The following OSBPL1A variants were observed in gnomAD, a reference collection of about 807,000 sequenced individuals.
OSBPL1A encodes oxysterol-binding protein-related protein 1.
In OSBPL1A, 80 loss-of-function variants were observed where a neutral mutation model predicts 137.1. The ratio of observed to expected loss-of-function variants is 0.58; its 90% confidence interval spans 0.49 to 0.70. OSBPL1A has a LOEUF of 0.70. Among genes scored for constraint, OSBPL1A ranks in the 30% least tolerant of loss-of-function variants. The probability of loss-of-function intolerance (pLI) is 0.00; values close to 1 mark genes in which losing one functional copy is unlikely to be tolerated. For synonymous variants in OSBPL1A, 365 were observed against 389.7 expected (o/e 0.94, Z 0.75); for missense variants, 970 against 1,129.4 (o/e 0.86, Z 2.02).
intron 15 of OSBPL1A, among the ~76,000 whole-genome samples, chr18:24,278,494 G>C (rs1337229740): frequency 6.6e-6 from 1 of 152,086 alleles, no homozygotes; most frequent in Admixed American, 6.5e-5. Flanking sequence ...AAATTTAAGA[G>C]GCTAAAAGAG....
intron 1 of OSBPL1A, among the ~76,000 whole-genome samples, chr18:24,381,194 A>G (rs1342990531): frequency 6.6e-6 from 1 of 152,200 alleles, no homozygotes; most frequent in African/African-American, 2.4e-5. Context: ...AAGTGGGATT[A>G]TAGCCAAGGA....
chr18:24,311,890 T>C, intron 13 of OSBPL1A, 94 bp downstream of exon 13: 1 of 1,411,104 alleles, frequency 7.1e-7, no homozygotes, highest in Non-Finnish European at 9.9e-7. Context: ...TCAGAAATCA[T>C]AATTTCAAAA....
intron 17 of OSBPL1A, among the ~76,000 whole-genome samples, chr18:24,210,852 T>G (rs1413807826): frequency 6.6e-6 from 1 of 152,174 alleles, no homozygotes; most frequent in Non-Finnish European, 1.5e-5. Flanking sequence ...TCTTTTAATG[T>G]GGATTTTATC....
intron 7 of OSBPL1A, among the ~76,000 whole-genome samples, chr18:24,328,218 A>ATTT (rs564798076): frequency 4.3e-4 from 21 of 48,610 alleles, no homozygotes; most frequent in Non-Finnish European, 4.5e-4. Context: ...AATTTTTTGT[A>ATTT]TTTTTTTTTT....
rs567128378 is a variant in OSBPL1A, at chr18:24,384,995, G to C, written c.-2-7460C>G. ...TTTGAGATGGAGTCTTGCTCTGTTG[G>C]CCAGGCTGGAGTGCAGTGGCACAAT... On this transcript the variant is annotated intron_variant, in intron 1 of 27. Transcript: ENST00000319481. 8.2e-3 allele frequency among the ~76,000 whole-genome samples: 1,230 copies of C among 150,112 alleles called. 15 individuals are homozygous for C. Among genetic ancestry groups the C allele is most frequent in the African/African-American group, 0.024 (992 of 40,804 alleles).
intron 15 of OSBPL1A, among the ~76,000 whole-genome samples, chr18:24,251,260 G>A (rs1484249032): frequency 1.3e-5 from 2 of 152,166 alleles, no homozygotes; most frequent in South Asian, 2.1e-4. Context: ...GGTCTTGAGT[G>A]ACCATAAGTG....
At chr18:24,286,566 A>C (rs1426059228) in intron 14 of OSBPL1A, among the ~76,000 whole-genome samples, 2 of 152,224 alleles carry the variant, frequency 1.3e-5, no homozygotes, top group Non-Finnish European at 2.9e-5. Flanking sequence ...CAAGTTGTGC[A>C]TACTTTTAAA....
intron 2 of OSBPL1A, among the ~76,000 whole-genome samples, chr18:24,371,778 A>G (rs581885): frequency 0.086 from 13,136 of 152,022 alleles, 1,900 homozygotes; most frequent in African/African-American, 0.3. Flanking sequence ...CATGAACACT[A>G]TCTTCAATTT....
At chr18:24,393,167 C>A (rs538977958) in intron 1 of OSBPL1A, among the ~76,000 whole-genome samples, 1 of 152,278 alleles carries the variant, frequency 6.6e-6, no homozygotes, top group Admixed American at 6.5e-5. Context: ...CAATCATATA[C>A]CTACATGTAT....
intron 13 of OSBPL1A, chr18:24,311,388 G>T: frequency 1.3e-6 from 1 of 766,728 alleles, no homozygotes; most frequent in Non-Finnish European, 1.6e-6. Flanking sequence ...TTAGACACAA[G>T]ATGGAAATAA....
chr18:24,335,171 A>C (rs533291307), intron 5 of OSBPL1A, among the ~76,000 whole-genome samples: 1 of 152,344 alleles, frequency 6.6e-6, no homozygotes, highest in East Asian at 1.9e-4. Flanking sequence ...GATTATAGGC[A>C]TGAGCCACCT....
At chr18:24,311,936 C>CTCATGACATAGATAGCTATAAAGG in intron 13 of OSBPL1A, 48 bp downstream of exon 13, 3 of 1,606,778 alleles carry the variant, frequency 1.9e-6, no homozygotes, top group Non-Finnish European at 2.6e-6. Context: ...TTGATTAAAC[C>CTCATGACATAGATAGCTATAAAGG]TCATGACATA....
chr18:24,163,952 G>C (rs1242591111), intron 27 of OSBPL1A, among the ~76,000 whole-genome samples: 2 of 151,892 alleles, frequency 1.3e-5, no homozygotes, highest in African/African-American at 4.8e-5. Context: ...GGCTGGTCTC[G>C]AACTCCTGAC....
At chr18:24,366,787 G>T in intron 4 of OSBPL1A, 105 bp downstream of exon 4, 11 of 1,119,088 alleles carry the variant, frequency 9.8e-6, no homozygotes, top group Admixed American at 5.2e-5. Flanking sequence ...ATTTTTTTGT[G>T]TGGCTTTCTT....
chr18:24,256,964 C>CAAAAAAAAA lies in OSBPL1A; in HGVS notation c.1282-17591_1282-17583dup, dbSNP rs201880387. 7.8e-4 allele frequency among the ~76,000 whole-genome samples: 23 copies of CAAAAAAAAA among 29,516 alleles called. 6 individuals carry two copies. Among genetic ancestry groups the CAAAAAAAAA allele is most frequent in the Non-Finnish European group, 1.3e-3 (19 of 14,700 alleles). The allele number at this position is 29,516 out of a possible 152,430, so 19.4% of individuals were successfully genotyped here. Reference sequence around the variant, plus strand: ...GCTGATGAAAGAACTGAAGAGGATGCAAAAAAAAAAAAAAAAAAAAAAAAA... The same window carrying CAAAAAAAAA: ...GCTGATGAAAGAACTGAAGAGGATGCAAAAAAAAAAAAAAAAAAAAAAAAAAAAAAAAAA... On this transcript the variant is annotated intron_variant, in intron 15 of 27. Transcript: ENST00000319481.
chr18:24,327,823 A>T (rs1555651597), intron 7 of OSBPL1A, among the ~76,000 whole-genome samples: 2 of 152,166 alleles, frequency 1.3e-5, no homozygotes, highest in Non-Finnish European at 2.9e-5. Context: ...CTATAGAGTA[A>T]ATATATATTT....
At chr18:24,328,087 G>C (rs1254613952) in intron 7 of OSBPL1A, among the ~76,000 whole-genome samples, 1 of 142,156 alleles carries the variant, frequency 7.0e-6, no homozygotes, top group Non-Finnish European at 1.5e-5. Context: ...TGTCACCCAG[G>C]CTGGAGTGTA....
At chr18:24,328,352 A>C (rs561590308) in intron 7 of OSBPL1A, among the ~76,000 whole-genome samples, 1 of 147,318 alleles carries the variant, frequency 6.8e-6, no homozygotes, top group African/African-American at 2.5e-5. Flanking sequence ...GAGTCACTGC[A>C]CCTGGCCAAA....
chr18:24,170,527 C>T (rs2086251084), intron 23 of OSBPL1A, 74 bp from the exon 24 acceptor site: 2 of 1,578,214 alleles, frequency 1.3e-6, no homozygotes. Context: ...CTGGTATTCC[C>T]AGGCGGTCTC....
Sources: allele counts gnomAD v4.1 joint callset (sites outside exome capture counted in the v4.1 genomes callset), GRCh38; gene constraint gnomAD v4.1.1; transcripts MANE v1.5; gene names NCBI Gene and HGNC (gene_info 2026-07-23, HGNC 2026-07-21).